Variants in LAMP1 observed in about 807,000 individuals in gnomAD.
The protein encoded by LAMP1 is lysosome associated membrane protein 1, also known as lysosome-associated membrane glycoprotein 1.
Under a neutral mutation model 37.5 loss-of-function variants are expected in LAMP1, and 7 were observed. That is an observed-to-expected ratio of 0.19 (90% CI 0.11 to 0.35). LAMP1 has a LOEUF of 0.35. LAMP1 is among the 10% of genes least tolerant of loss of function. The probability of loss-of-function intolerance (pLI) is 1.00; values close to 1 mark genes in which losing one functional copy is unlikely to be tolerated. For synonymous variants in LAMP1, 236 were observed against 229.1 expected (o/e 1.03, Z -0.27); for missense variants, 537 against 552.8 (o/e 0.97, Z 0.29).
chr13:113,321,483 A>G lies in LAMP1; in HGVS notation c.943+13A>G. On this transcript the variant is annotated intron_variant, in intron 7 of 8. Coordinates refer to ENST00000332556, the MANE Select transcript of LAMP1 (RefSeq NM_005561.4). This position sits in a 1 kb window ranked among gnomAD's most constrained non-coding sequence, Gnocchi z 5.6. ...CCTGACGCCAGAGGTGAGAACCCAC[A>G]ATCTCTGCGAGCCCCGCCCCCGCCC... 6.2e-7 allele frequency: 1 copy of G among 1,613,868 alleles called. No individual in the cohort carries two copies.
At chr13:113,301,923 T>C (rs9577225) in intron 1 of LAMP1, among the ~76,000 whole-genome samples, 6,922 of 140,228 alleles carry the variant, frequency 0.049, 497 homozygotes, top group African/African-American at 0.15. Context: ...AGTGCAGTGG[T>C]GCGATCTCGG....
In LAMP1 at chr13:113,321,522, A is replaced by T; in HGVS notation, c.944-35A>T. 1 of 1,610,144 alleles carries T rather than the reference A, an allele frequency of 6.2e-7. No individual in the cohort carries two copies. The highest frequency in any genetic ancestry group is 8.5e-7 in the Non-Finnish European group (1 of 1,177,944). On this transcript the variant is annotated intron_variant, in intron 7 of 8. Coordinates refer to ENST00000332556, the MANE Select transcript of LAMP1 (RefSeq NM_005561.4). The surrounding 1 kb of genome is among the most constrained non-coding windows in gnomAD (Gnocchi z 5.6). The stretch of plus-strand genomic sequence containing the variant: ...CCGCCCCCGCCCGCGCGCCCAGGGT[A>T]TTCTGGAGCCACTAGACCTCTGTGT...
rs2042700860 is a variant in LAMP1, at chr13:113,321,639, G to A, written c.1026G>A (p.Glu342=). 1 of 1,614,250 alleles carries A rather than the reference G, an allele frequency of 6.2e-7. No individual in the cohort carries two copies. Among genetic ancestry groups the A allele is most frequent in the Non-Finnish European group, 8.5e-7 (1 of 1,180,046 alleles). ...ATTCCTACAAGTGCAACGCGGAGGAGCACGTCCGTGTCACGAAGGCGTTTT... is the reference window on the plus strand; with the variant it reads ...ATTCCTACAAGTGCAACGCGGAGGAACACGTCCGTGTCACGAAGGCGTTTT... ...VGNSYKCNAE[E]HVRVTKAFSV... Residue 342 remains glutamate (E), a synonymous_variant, in exon 8 of 9, where the codon GAG becomes GAA. Transcript: ENST00000332556. This position sits in a 1 kb window ranked among gnomAD's most constrained non-coding sequence, Gnocchi z 5.6.
chr13:113,317,706 T>G lies in LAMP1; in HGVS notation c.563-1763T>G, dbSNP rs577341037. Among the ~76,000 whole-genome samples the G allele has an allele frequency of 2.4e-3, 369 of 152,036 alleles. 3 individuals are homozygous for G. Among genetic ancestry groups the G allele is most frequent in the African/African-American group, 8.5e-3 (351 of 41,474 alleles). On this transcript the variant is annotated intron_variant, in intron 4 of 8. Coordinates refer to ENST00000332556, the MANE Select transcript of LAMP1 (RefSeq NM_005561.4). ...GGAACCGTGAAGCTGCTTTTTTTTT[T>G]TTTTTTTTGAGACAGGGTCTCCCAG...
At position 113,321,630 on chromosome 13, in the gene LAMP1, C is replaced by T. The variant is rs201877351; in HGVS notation, c.1017C>T (p.Asn339=). The T allele has an allele frequency of 2.6e-4, 425 of 1,614,072 alleles. No homozygotes were observed. In the African/African-American group the frequency reaches 3.0e-3, roughly 11 times the overall value. Residue 339 remains asparagine (N), a synonymous_variant, in exon 8 of 9, where the codon AAC becomes AAT. Transcript: ENST00000332556. The surrounding 1 kb of genome is among the most constrained non-coding windows in gnomAD (Gnocchi z 5.6). ...CAGTCGGCAATTCCTACAAGTGCAA[C>T]GCGGAGGAGCACGTCCGTGTCACGA... is the stretch of plus-strand genomic sequence containing the variant. ...QATVGNSYKC[N]AEEHVRVTKA...
At chr13:113,317,582 T>G (rs1204394189) in intron 4 of LAMP1, among the ~76,000 whole-genome samples, 1 of 152,202 alleles carries the variant, frequency 6.6e-6, no homozygotes, top group African/African-American at 2.4e-5. Context: ...ACTTTTTCTG[T>G]GCGTCGTGTG....
rs752470637 is a variant in LAMP1 at position 113,322,352 on chromosome 13, GGTCCTCATC to G, written c.1196_1204del (p.Val399_Ile401del). ...CTGTGGGTGGTGCCCTGGCGGGGCT[GGTCCTCATC>G]GTCCTCATCGCCTACCTCGTCGGCA... On this transcript the variant is annotated inframe_deletion, in exon 9 of 9. Coordinates refer to ENST00000332556, the MANE Select transcript of LAMP1 (RefSeq NM_005561.4). The G allele has an allele frequency of 1.9e-6, 3 of 1,613,300 alleles. No individual in the cohort carries two copies. In the Admixed American group the frequency reaches 5.0e-5, roughly 27 times the overall value.
intron 1 of LAMP1, among the ~76,000 whole-genome samples, chr13:113,299,772 C>T (rs548695553): frequency 1.3e-5 from 2 of 151,416 alleles, no homozygotes; most frequent in African/African-American, 4.9e-5. Context: ...TTTCACCATG[C>T]TGGCCAGGCT....
Position 113,323,229 on chromosome 13 carries a change from A to G in LAMP1, c.*808A>G, listed in dbSNP as rs1427677809. ...GGGCTGGCACTTTTTTAAATATAAA[A>G]ATGGGTGTTATTTTTATTTTTATTT... On this transcript the variant is annotated 3_prime_UTR_variant, in exon 9 of 9. Coordinates refer to ENST00000332556, the MANE Select transcript of LAMP1 (RefSeq NM_005561.4). 6.6e-6 allele frequency: 1 copy of G among 151,720 alleles called. No individual in the cohort carries two copies. The highest frequency in any genetic ancestry group is 2.4e-5 in the African/African-American group (1 of 41,044). 9.4% of individuals were successfully genotyped at this position (151,720 alleles called of 1,614,324 possible). A position where few individuals can be genotyped will look rare whatever the true frequency, so the allele number is the denominator to read the frequency against.
At chr13:113,322,215 G>A in intron 8 of LAMP1, 67 bp from the exon 9 acceptor site, 2 of 1,524,514 alleles carry the variant, frequency 1.3e-6, no homozygotes, top group East Asian at 2.3e-5. Flanking sequence ...GGGAGTGGTG[G>A]GGAGAGAGGC....
rs1354253629 is a variant in LAMP1, at chr13:113,319,635, C to G, written c.729C>G (p.Thr243=). Reference sequence around the variant, plus strand: ...GCATGGGGCTGCAGCTGAACCTCACCTATGAGAGGAAGGACAACACGGTAG... The same window carrying G: ...GCATGGGGCTGCAGCTGAACCTCACGTATGAGAGGAAGGACAACACGGTAG... The part of the protein sequence containing the change: ...LASMGLQLNL[T]YERKDNTTVT... The change falls in exon 5 of 9, where the codon ACC becomes ACG. Residue 243 remains threonine (T), a synonymous_variant. Transcript: ENST00000332556. 2 of 1,613,710 alleles carry G rather than the reference C, an allele frequency of 1.2e-6. No homozygotes were observed. Among genetic ancestry groups the G allele is most frequent in the East Asian group, 4.5e-5 (2 of 44,878 alleles).
At chr13:113,313,877 A>G (rs369523804) in intron 4 of LAMP1, among the ~76,000 whole-genome samples, 660 of 38,566 alleles carry the variant, frequency 0.017, no homozygotes, top group Middle Eastern at 0.038. Flanking sequence ...TGCCTGGGGC[A>G]TGGCCTCCTG....
At chr13:113,312,452 G>A (rs922419096) in intron 4 of LAMP1, among the ~76,000 whole-genome samples, 9 of 152,218 alleles carry the variant, frequency 5.9e-5, no homozygotes, top group Non-Finnish European at 1.2e-4. Flanking sequence ...CACAAAGTCT[G>A]AAATATTTAC....
In LAMP1 at chr13:113,321,437, A is replaced by G; in HGVS notation, c.910A>G (p.Ile304Val). Residue 304 changes from isoleucine to valine, a missense_variant, in exon 7 of 9, where the codon ATC becomes GTC. Ile to Val is a conservative substitution (Grantham distance 29). Transcript: ENST00000332556. This position sits in a 1 kb window ranked among gnomAD's most constrained non-coding sequence, Gnocchi z 5.6. Reference sequence around the variant, plus strand: ...TTCTAGCCGGTTTTTCCTACAAGGAATCCAGTTGAATACAATTCTTCCTGA... The same window carrying G: ...TTCTAGCCGGTTTTTCCTACAAGGAGTCCAGTTGAATACAATTCTTCCTGA... ...ASSSRFFLQGIQLNTILPDAR... is the reference protein window; with the variant it reads ...ASSSRFFLQGVQLNTILPDAR... The G allele has an allele frequency of 6.2e-7, 1 of 1,614,140 alleles. No individual in the cohort carries two copies. The highest frequency in any genetic ancestry group is 1.1e-5 in the South Asian group (1 of 91,078).
At chr13:113,319,345 A>G in intron 4 of LAMP1, 124 bp from the exon 5 acceptor site, 1 of 867,116 alleles carries the variant, frequency 1.2e-6, no homozygotes, top group Non-Finnish European at 1.7e-6. Flanking sequence ...TGGGAGACTG[A>G]GAAAATAGTC....
At chr13:113,306,768 A>G (rs1291852806) in intron 2 of LAMP1, among the ~76,000 whole-genome samples, 162 bp downstream of exon 2, 2 of 151,192 alleles carry the variant, frequency 1.3e-5, no homozygotes, top group Non-Finnish European at 1.5e-5. Context: ...GTCATGTGCC[A>G]TAGCCACAGG....
In LAMP1 at chr13:113,320,060, T is replaced by TTGCG. The variant is rs1248072796; in HGVS notation, c.751-281_751-278dup. ...AGGCTGTGGGGTTGTGGGGGTCGAC[T>TTGCG]TGCGTGCCGTGGGGTGAGTTTGCAG... is the stretch of plus-strand genomic sequence containing the variant. On this transcript the variant is annotated intron_variant, in intron 5 of 8. Transcript: ENST00000332556. The surrounding 1 kb of genome is among the most constrained non-coding windows in gnomAD (Gnocchi z 4.4). 2.0e-5 allele frequency among the ~76,000 whole-genome samples: 3 copies of TTGCG among 152,200 alleles called. No homozygotes were observed. Among genetic ancestry groups the TTGCG allele is most frequent in the Non-Finnish European group, 2.9e-5 (2 of 68,020 alleles).
chr13:113,306,573 C>G lies in LAMP1; in HGVS notation c.150C>G (p.Phe50Leu), dbSNP rs1389747220. The change falls in exon 2 of 9, where the codon TTC becomes TTG. Residue 50 changes from phenylalanine (F) to leucine (L), a missense_variant. Phe to Leu is a conservative substitution (Grantham distance 22). Transcript: ENST00000332556. ...ACIMANFSAA[F>L]SVNYDTKSGP... ...TAATGGCCAACTTCTCTGCTGCCTT[C>G]TCAGTGAACTACGACACCAAGAGTG... The G allele has an allele frequency of 5.0e-6, 8 of 1,613,998 alleles. No individual in the cohort carries two copies. The highest frequency in any genetic ancestry group is 6.8e-6 in the Non-Finnish European group (8 of 1,180,002).
In LAMP1 at chr13:113,320,318, G is replaced by A. The variant is rs753286195; in HGVS notation, c.751-27G>A. 6.2e-7 allele frequency: 1 copy of A among 1,613,826 alleles called. No homozygotes were observed. Among genetic ancestry groups the A allele is most frequent in the East Asian group, 2.2e-5 (1 of 44,886 alleles). ...GAGTGTGGAGGACCTGAGCTAGGGT[G>A]GTGACTTGCTTGCTTGTCTTATGCA... is the stretch of plus-strand genomic sequence containing the variant. On this transcript the variant is annotated intron_variant, in intron 5 of 8. Transcript: ENST00000332556. The surrounding 1 kb of genome is among the most constrained non-coding windows in gnomAD (Gnocchi z 4.4).
Sources: gnomAD v4.1 joint callset for allele counts (sites outside exome capture counted in the v4.1 genomes callset) on GRCh38, gnomAD v4.1.1 for gene constraint, Gnocchi (gnomAD v3.1) non-coding constraint, MANE v1.5 for transcripts, NCBI Gene and HGNC (gene_info 2026-07-23, HGNC 2026-07-21) for gene names.